The following CHRM3 variants were observed in gnomAD, a reference collection of about 807,000 sequenced individuals.
The protein encoded by CHRM3 is muscarinic acetylcholine receptor M3.
Under a neutral mutation model 41.8 loss-of-function variants are expected in CHRM3, and 11 were observed. The ratio of observed to expected loss-of-function variants is 0.26; its 90% CI spans 0.17 to 0.44. The LOEUF (loss-of-function observed/expected upper bound fraction) is 0.44, where lower values mean the gene tolerates loss of function less well. Among genes scored for constraint, CHRM3 ranks in the 20% least tolerant of loss-of-function variants. CHRM3 has a pLI of 1.00. For synonymous variants in CHRM3, 297 were observed against 301.4 expected, an observed-to-expected ratio of 0.99 and a Z score of 0.15; for missense variants, 571 against 745.4, an observed-to-expected ratio of 0.77 and a Z score of 2.72.
chr1:239,639,973 AG>A (rs1324401263), intron 4 of CHRM3, among the ~76,000 whole-genome samples: 5 of 151,888 alleles, frequency 3.3e-5, no homozygotes, highest in Middle Eastern at 6.8e-3. Flanking sequence ...TGTAGCATGA[AG>A]GGTTGTTGAA....
At position 239,568,633 on chromosome 1, in the gene CHRM3, GA is replaced by G. The variant is rs1558326308; in HGVS notation, c.-313+22890del. Among the ~76,000 whole-genome samples the G allele has an allele frequency of 2.0e-5, 3 of 151,928 alleles. 1 individual carries two copies. The South Asian group carries it at 6.2e-4, about 32-fold the overall frequency. On this transcript the variant is annotated intron_variant, in intron 3 of 6. Coordinates refer to ENST00000676153, the MANE Select transcript of CHRM3 (RefSeq NM_001375978.1). ...CATCCCAGGGACAATGTGAATAGAA[GA>G]AAAAATTAGACATATATCCCCTTAC... is the stretch of plus-strand genomic sequence containing the variant.
chr1:239,591,589 C>T (rs1313633157), intron 3 of CHRM3, among the ~76,000 whole-genome samples: 36 of 151,078 alleles, frequency 2.4e-4, no homozygotes, highest in South Asian at 2.1e-4. Context: ...CCATGCGTGC[C>T]GTCTTTTCTT....
At position 239,702,313 on chromosome 1, in the gene CHRM3, A is replaced by G. The variant is rs568126431; in HGVS notation, c.-147+24025A>G. 3.9e-5 allele frequency among the ~76,000 whole-genome samples: 6 copies of G among 152,286 alleles called. No individual in the cohort carries two copies. In the East Asian group the frequency reaches 7.7e-4, roughly 20 times the overall value. On this transcript the variant is annotated intron_variant, in intron 5 of 6. Coordinates refer to ENST00000676153, the MANE Select transcript of CHRM3 (RefSeq NM_001375978.1). ...AGAGCTGCCTACTTGCCCCCAAAACATGGGTGTTTTGGATTCAGTTCTGGC... is the reference window on the plus strand; with the variant it reads ...AGAGCTGCCTACTTGCCCCCAAAACGTGGGTGTTTTGGATTCAGTTCTGGC...
At chr1:239,683,942 C>T (rs1464056955) in intron 5 of CHRM3, among the ~76,000 whole-genome samples, 1 of 152,100 alleles carries the variant, frequency 6.6e-6, no homozygotes, top group Non-Finnish European at 1.5e-5. Flanking sequence ...ATAATATAAG[C>T]TTTTCACATG....
At chr1:239,433,575 A>C (rs1002130280) in intron 1 of CHRM3, among the ~76,000 whole-genome samples, 1 of 152,138 alleles carries the variant, frequency 6.6e-6, no homozygotes, top group Non-Finnish European at 1.5e-5. Flanking sequence ...AGCAGTATAC[A>C]CTGAACCCAA....
chr1:239,764,837 A>T (rs1056942367), intron 5 of CHRM3, among the ~76,000 whole-genome samples: 4 of 152,246 alleles, frequency 2.6e-5, no homozygotes, highest in Non-Finnish European at 5.9e-5. Flanking sequence ...CCACATAGTT[A>T]CTATTCAAGA....
intron 1 of CHRM3, among the ~76,000 whole-genome samples, chr1:239,484,164 C>T (rs887832691): frequency 7.9e-5 from 12 of 152,262 alleles, no homozygotes; most frequent in East Asian, 3.9e-4. Flanking sequence ...TAATCGTTCA[C>T]GGTTCTGCAG....
chr1:239,793,047 A>G (rs1669476259), intron 5 of CHRM3, among the ~76,000 whole-genome samples: 1 of 152,224 alleles, frequency 6.6e-6, no homozygotes, highest in Admixed American at 6.5e-5. Flanking sequence ...GTGACACTAC[A>G]GTGTACTTTA....
intron 3 of CHRM3, among the ~76,000 whole-genome samples, chr1:239,571,700 C>A (rs887902387): frequency 6.6e-6 from 1 of 152,166 alleles, no homozygotes; most frequent in African/African-American, 2.4e-5. Flanking sequence ...CACGTCATTA[C>A]ACTCTCGTGT....
chr1:239,551,141 ATTC>A (rs1659773796), intron 3 of CHRM3, among the ~76,000 whole-genome samples: 1 of 73,778 alleles, frequency 1.4e-5, no homozygotes, highest in African/African-American at 6.1e-5. Context: ...AAGTGTTACC[ATTC>A]TTTTTTTTTT....
chr1:239,667,113 T>A (rs1673886576), intron 4 of CHRM3, among the ~76,000 whole-genome samples: 1 of 152,152 alleles, frequency 6.6e-6, no homozygotes, highest in Admixed American at 6.5e-5. Context: ...TTTTTAATGA[T>A]CTCTCCATGG....
chr1:239,859,616 A>G (rs151064158), intron 6 of CHRM3, among the ~76,000 whole-genome samples: 2 of 151,256 alleles, frequency 1.3e-5, no homozygotes, highest in Admixed American at 6.6e-5. Flanking sequence ...GGGTTTCACC[A>G]TGATGGCCAA....
intron 2 of CHRM3, among the ~76,000 whole-genome samples, chr1:239,523,659 G>C (rs1669800743): frequency 6.6e-6 from 1 of 152,076 alleles, no homozygotes; most frequent in African/African-American, 2.4e-5. Flanking sequence ...TTTCACAACA[G>C]AACCAGGAAC....
intron 5 of CHRM3, among the ~76,000 whole-genome samples, chr1:239,682,465 T>G (rs1658662212): frequency 6.6e-6 from 1 of 152,160 alleles, no homozygotes; most frequent in African/African-American, 2.4e-5. Context: ...GAAAAATCCA[T>G]CATTTTGCCA....
chr1:239,468,953 T>C (rs898549328), intron 1 of CHRM3, among the ~76,000 whole-genome samples: 2 of 152,188 alleles, frequency 1.3e-5, no homozygotes, highest in Non-Finnish European at 2.9e-5. Flanking sequence ...CAGACTAATA[T>C]GTTTCTACAA....
chr1:239,456,631 A>G (rs1664957619), intron 1 of CHRM3, among the ~76,000 whole-genome samples: 1 of 152,174 alleles, frequency 6.6e-6, no homozygotes, highest in South Asian at 2.1e-4. Flanking sequence ...TGTCACGGGA[A>G]GTTTCCATGC....
intron 5 of CHRM3, among the ~76,000 whole-genome samples, chr1:239,749,325 G>A (rs1167046144): frequency 6.6e-6 from 1 of 152,126 alleles, no homozygotes; most frequent in Non-Finnish European, 1.5e-5. Context: ...CGGTGGGAGA[G>A]CAGAAGTGCT....
chr1:239,837,353 C>G (rs1673412129), intron 6 of CHRM3, among the ~76,000 whole-genome samples: 1 of 152,122 alleles, frequency 6.6e-6, no homozygotes, highest in Non-Finnish European at 1.5e-5. Context: ...CTGTAGAAAT[C>G]ATCGAATCCA....
chr1:239,515,387 T>C (rs1669190913), intron 2 of CHRM3, among the ~76,000 whole-genome samples: 1 of 151,178 alleles, frequency 6.6e-6, no homozygotes, highest in South Asian at 2.1e-4. Context: ...CTAGGGTAAA[T>C]TGCAATTGTT....
Sources: allele counts gnomAD v4.1 joint callset (sites outside exome capture counted in the v4.1 genomes callset), GRCh38; gene constraint gnomAD v4.1.1; transcripts MANE v1.5; gene names NCBI Gene and HGNC (gene_info 2026-07-23, HGNC 2026-07-21).